The following ORC1 variants were observed in gnomAD, a reference collection of about 807,000 sequenced individuals.
ORC1 encodes origin recognition complex subunit 1.
Under a neutral mutation model 98.9 loss-of-function variants are expected in ORC1, and 61 were observed. The ratio of observed to expected loss-of-function variants is 0.62; its 90% CI spans 0.50 to 0.76. The LOEUF (loss-of-function observed/expected upper bound fraction) is 0.76, where lower values mean the gene tolerates loss of function less well. ORC1 is among the 30% of genes least tolerant of loss of function. The pLI is 0.00. For missense variants in ORC1, 979 were observed against 1,072.2 expected (o/e 0.91, Z 1.21); for synonymous variants, 385 against 406.9 (o/e 0.95, Z 0.65).
At chr1:52,385,810 A>G (rs1235918402) in intron 9 of ORC1, 42 bp downstream of exon 9, 1 of 1,361,268 alleles carries the variant, frequency 7.3e-7, no homozygotes, top group Admixed American at 1.7e-5. Flanking sequence ...CAGAGGCCCC[A>G]TGGTTCCTGC....
At position 52,396,219 on chromosome 1, in the gene ORC1, G is replaced by A. The variant is rs1407100507; in HGVS notation, c.548C>T (p.Ala183Val). Residue 183 changes from alanine to valine, a missense_variant, in exon 5 of 17, where the codon GCA becomes GTA. Transcript: ENST00000371568. ...TCTCACGGGTTTCTGGCACTTGGCT[G>A]CACTCTCTTGTGGTTTATTCAACTC... ...FAELNKPQES[A>V]AKCQKPVRAK... The A allele has an allele frequency of 6.2e-7, 1 of 1,614,162 alleles. No individual in the cohort carries two copies. Among genetic ancestry groups the A allele is most frequent in the Non-Finnish European group, 8.5e-7 (1 of 1,180,024 alleles).
chr1:52,389,450 C>T, intron 6 of ORC1, 129 bp from the exon 7 acceptor site: 1 of 700,390 alleles, frequency 1.4e-6, no homozygotes, highest in Non-Finnish European at 2.5e-6. Context: ...AAGAGTAAAA[C>T]TTTCTTTCTG....
intron 13 of ORC1, 36 bp downstream of exon 13, chr1:52,383,384 C>T: frequency 6.2e-7 from 1 of 1,611,532 alleles, no homozygotes; most frequent in East Asian, 2.2e-5. Flanking sequence ...GCTTACAGAT[C>T]TGCAAGAACA....
intron 6 of ORC1, among the ~76,000 whole-genome samples, chr1:52,390,901 GAA>G (rs112674214): frequency 1.0e-4 from 8 of 77,448 alleles, no homozygotes; most frequent in African/African-American, 1.8e-4. Context: ...TCCAAAAAAA[GAA>G]AAAAAAAAAA....
chr1:52,397,788 C>T lies in ORC1; in HGVS notation c.299G>A (p.Arg100Gln), dbSNP rs771550930. 23 of 1,614,030 alleles carry T rather than the reference C, an allele frequency of 1.4e-5. No homozygotes were observed. Among genetic ancestry groups the T allele is most frequent in the Admixed American group, 1.7e-5 (1 of 59,990 alleles). Residue 100 changes from arginine (R) to glutamine (Q), a missense_variant, in exon 4 of 17, where the codon CGG (arginine) becomes CAG (glutamine). By Grantham distance (43) the Arg-to-Gln change is conservative. Coordinates refer to ENST00000371568, the MANE Select transcript of ORC1 (RefSeq NM_004153.4). ...VRFCEVPACK[R>Q]HLLGRKPGAQ... ...ACCAGGCTTCCGGCCCAACAAATGC[C>T]GTTTACAGGCAGGGACTTCACAGAA... is the stretch of plus-strand genomic sequence containing the variant.
chr1:52,389,097 T>A, intron 7 of ORC1, 120 bp downstream of exon 7: 1 of 788,106 alleles, frequency 1.3e-6, no homozygotes, highest in Admixed American at 1.9e-5. Context: ...CCAGACATGC[T>A]AGGTAAAAGG....
In ORC1 at chr1:52,397,881, G is replaced by C; in HGVS notation, c.224-18C>G. 7 of 1,612,280 alleles carry C rather than the reference G, an allele frequency of 4.3e-6. No individual in the cohort carries two copies. Among genetic ancestry groups the C allele is most frequent in the Non-Finnish European group, 5.9e-6 (7 of 1,178,276 alleles). On this transcript the variant is annotated intron_variant, in intron 3 of 16. Coordinates refer to ENST00000371568, the MANE Select transcript of ORC1 (RefSeq NM_004153.4). ...ATCAGAGTCTAGAAAGAATTTGGTG[G>C]AAAGGGAAAGGTTAAGACAACTCAA...
In ORC1 at chr1:52,379,699, C is replaced by A. The variant is rs1647036652; in HGVS notation, c.2133+1943G>T. On this transcript the variant is annotated intron_variant, in intron 14 of 16. Coordinates refer to ENST00000371568, the MANE Select transcript of ORC1 (RefSeq NM_004153.4). ...GCTGTAATCCCAGCACTTTGGGAGG[C>A]TGAGGTGGGTGGATCAGGAGGTCAA... 2.6e-5 allele frequency among the ~76,000 whole-genome samples: 4 copies of A among 152,072 alleles called. No homozygotes were observed. In the East Asian group the frequency reaches 7.8e-4, roughly 30 times the overall value.
At position 52,392,193 on chromosome 1, in the gene ORC1, G is replaced by A. The variant is rs183253410; in HGVS notation, c.1082+1250C>T. ...CGCCCAGGCTGGAGTGCAGTGGCGC[G>A]ACCTCCGCTCACTGCAAACTCCGCC... On this transcript the variant is annotated intron_variant, in intron 6 of 16. Coordinates refer to ENST00000371568, the MANE Select transcript of ORC1 (RefSeq NM_004153.4). Among the ~76,000 whole-genome samples the A allele has an allele frequency of 2.6e-3, 388 of 151,312 alleles. 13 individuals carry two copies. The South Asian group carries it at 0.045, about 18-fold the overall frequency.
At position 52,396,181 on chromosome 1, in the gene ORC1, T is replaced by C. The variant is rs1315449523; in HGVS notation, c.586A>G (p.Ser196Gly). 6.2e-7 allele frequency: 1 copy of C among 1,614,176 alleles called. No individual in the cohort carries two copies. Among genetic ancestry groups the C allele is most frequent in the South Asian group, 1.1e-5 (1 of 91,076 alleles). ...CQKPVRAKSK[S>G]AESPSWTPAE... ...GGGGTCCAAGAAGGGCTCTCTGCAC[T>C]CTTACTCTTGGCTCTCACGGGTTTC... Residue 196 changes from serine to glycine, a missense_variant, in exon 5 of 17, where the codon AGT becomes GGT. Transcript: ENST00000371568.
At chr1:52,399,363 G>A (rs963147599) in intron 3 of ORC1, among the ~76,000 whole-genome samples, 9 of 152,098 alleles carry the variant, frequency 5.9e-5, no homozygotes, top group East Asian at 1.9e-4. Flanking sequence ...GGCGGCTCAC[G>A]CCTGTAATCC....
In ORC1 at chr1:52,396,134, C is replaced by T. The variant is rs760777776; in HGVS notation, c.633G>A (p.Arg211=). The T allele has an allele frequency of 1.2e-5, 19 of 1,614,156 alleles. No individual in the cohort carries two copies. The South Asian group carries it at 2.0e-4, about 17-fold the overall frequency. The change falls in exon 5 of 17, where the codon AGG becomes AGA. Residue 211 remains arginine, a synonymous_variant. Transcript: ENST00000371568. ...TGGAGGCGGAGTGCCTTGATTCAATCCTTTTGGCCACATGTTCTGCTGGGG... is the reference window on the plus strand; with the variant it reads ...TGGAGGCGGAGTGCCTTGATTCAATTCTTTTGGCCACATGTTCTGCTGGGG... ...SWTPAEHVAK[R]IESRHSASKS... is the part of the protein sequence containing the mutation.
At chr1:52,401,826 G>T (rs1647723309) in intron 2 of ORC1, among the ~76,000 whole-genome samples, 1 of 152,154 alleles carries the variant, frequency 6.6e-6, no homozygotes, top group Non-Finnish European at 1.5e-5. Flanking sequence ...CCAGGGCTGG[G>T]AAAGACATAG....
At chr1:52,385,721 G>C (rs1271828463) in intron 9 of ORC1, 131 bp downstream of exon 9, 2 of 734,390 alleles carry the variant, frequency 2.7e-6, no homozygotes, top group Non-Finnish European at 5.0e-6. Flanking sequence ...ACTTTACCTA[G>C]ATAGGTAAAA....
chr1:52,373,740 C>G (rs1557566104), intron 16 of ORC1, among the ~76,000 whole-genome samples: 1 of 152,160 alleles, frequency 6.6e-6, no homozygotes. Flanking sequence ...AGTCTTGTCT[C>G]CAGGGGCTGA....
chr1:52,387,652 T>A (rs1309426332), intron 8 of ORC1, among the ~76,000 whole-genome samples: 3 of 152,126 alleles, frequency 2.0e-5, no homozygotes, highest in Non-Finnish European at 4.4e-5. Flanking sequence ...GAGACAGGGT[T>A]TCACCATTGT....
chr1:52,381,503 A>T, intron 14 of ORC1, 139 bp downstream of exon 14: 1 of 914,074 alleles, frequency 1.1e-6, no homozygotes, highest in East Asian at 3.0e-5. Flanking sequence ...GGAATTTCTC[A>T]TAATCTTGTC....
At chr1:52,375,325 AC>A (rs926303468) in intron 15 of ORC1, 104 bp downstream of exon 15, 8 of 1,012,780 alleles carry the variant, frequency 7.9e-6, no homozygotes, top group Non-Finnish European at 9.3e-6. Flanking sequence ...TCCCTATGAA[AC>A]ATAACTGTGT....
chr1:52,404,430 G>C (rs4442321), upstream of ORC1: 2 of 232,742 alleles, frequency 8.6e-6, no homozygotes, highest in Admixed American at 5.2e-5. Context: ...AAGGAGAAAA[G>C]AAAACTTCGC....
Sources: gnomAD v4.1 joint callset for allele counts (sites outside exome capture counted in the v4.1 genomes callset) on GRCh38, gnomAD v4.1.1 for gene constraint, MANE v1.5 for transcripts, NCBI Gene and HGNC (gene_info 2026-07-23, HGNC 2026-07-21) for gene names.